CDH13: variants seen among roughly 807,000 people sequenced by gnomAD.
The protein encoded by CDH13 is cadherin 13.
Under a neutral mutation model 63.8 loss-of-function variants are expected in CDH13, and 24 were observed. The observed-to-expected ratio is 0.38, with a 90% CI of 0.27 to 0.53. CDH13 has a LOEUF of 0.53. Ranked by LOEUF, CDH13 falls within the 20% of genes least tolerant of loss-of-function variation. The pLI, the probability that CDH13 is intolerant of heterozygous loss-of-function variation, is 0.85. For missense variants in CDH13, 1,049 were observed against 903.1 expected (o/e 1.16, Z -2.07); for synonymous variants, 503 against 355.3 (o/e 1.42, Z -4.67).
chr16:82,986,232 A>G (rs192175912), intron 2 of CDH13, among the ~76,000 whole-genome samples: 1 of 152,144 alleles, frequency 6.6e-6, no homozygotes, highest in Non-Finnish European at 1.5e-5. Flanking sequence ...GTGAATTTTC[A>G]TATTGGTACG....
At chr16:82,627,522 A>C (rs1597155107) in intron 1 of CDH13, among the ~76,000 whole-genome samples, 1 of 151,010 alleles carries the variant, frequency 6.6e-6, no homozygotes, top group Non-Finnish European at 1.5e-5. Context: ...GTTAGAGGCG[A>C]CTCCAACGAG....
chr16:82,732,813 TTCA>T (rs1176586251), intron 1 of CDH13, among the ~76,000 whole-genome samples: 1 of 151,976 alleles, frequency 6.6e-6, no homozygotes, highest in Non-Finnish European at 1.5e-5. Context: ...GATTTCTGGT[TTCA>T]TCAAGAGTTT....
chr16:83,142,829 G>A (rs886551953), intron 4 of CDH13, among the ~76,000 whole-genome samples: 3 of 152,142 alleles, frequency 2.0e-5, no homozygotes, highest in African/African-American at 4.8e-5. Flanking sequence ...GGGGCCGGGC[G>A]CAGTGGCTTA....
intron 2 of CDH13, among the ~76,000 whole-genome samples, chr16:82,915,495 G>C (rs117234498): frequency 1.3e-5 from 2 of 152,110 alleles, no homozygotes; most frequent in African/African-American, 4.8e-5. Flanking sequence ...GATATACAGG[G>C]ATCGTTTTAG....
chr16:82,695,943 C>A (rs924264556), intron 1 of CDH13, among the ~76,000 whole-genome samples: 1 of 151,818 alleles, frequency 6.6e-6, no homozygotes, highest in Non-Finnish European at 1.5e-5. Flanking sequence ...TACTAGCCTG[C>A]CAAATGTATT....
At chr16:83,359,996 C>G (rs2091132020) in intron 6 of CDH13, among the ~76,000 whole-genome samples, 1 of 152,196 alleles carries the variant, frequency 6.6e-6, no homozygotes, top group Non-Finnish European at 1.5e-5. Flanking sequence ...ATAAATTTGC[C>G]TTGCTGGGCA....
chr16:83,146,534 C>G (rs2036758376), intron 4 of CDH13, among the ~76,000 whole-genome samples: 1 of 152,232 alleles, frequency 6.6e-6, no homozygotes, highest in African/African-American at 2.4e-5. Flanking sequence ...AGGTTTTAAG[C>G]TAACTATATC....
At chr16:82,880,648 C>T (rs971778835) in intron 2 of CDH13, among the ~76,000 whole-genome samples, 5 of 152,184 alleles carry the variant, frequency 3.3e-5, no homozygotes, top group East Asian at 1.9e-4. Flanking sequence ...GCCTGATTAG[C>T]AAGCCTGCTA....
chr16:83,465,030 A>G (rs2073274145), intron 6 of CDH13, among the ~76,000 whole-genome samples: 2 of 152,198 alleles, frequency 1.3e-5, no homozygotes, highest in Non-Finnish European at 2.9e-5. Flanking sequence ...ATACAGCCTG[A>G]GTAGTATTCA....
chr16:82,881,309 A>T (rs1020213604), intron 2 of CDH13, among the ~76,000 whole-genome samples: 2 of 152,178 alleles, frequency 1.3e-5, no homozygotes, highest in South Asian at 4.2e-4. Context: ...ATTGGTGTGT[A>T]GGAAGTTTAT....
At chr16:83,570,520 T>C (rs1208539686) in intron 7 of CDH13, among the ~76,000 whole-genome samples, 2 of 151,912 alleles carry the variant, frequency 1.3e-5, no homozygotes, top group Non-Finnish European at 2.9e-5. Flanking sequence ...ACCGTACTCA[T>C]GGTCTAGCGT....
chr16:83,266,883 C>G (rs974401461), intron 5 of CDH13, among the ~76,000 whole-genome samples: 9 of 152,160 alleles, frequency 5.9e-5, no homozygotes, highest in African/African-American at 1.9e-4. Flanking sequence ...ATGTCTTGTC[C>G]TAACTATCAA....
intron 11 of CDH13, among the ~76,000 whole-genome samples, chr16:83,767,571 G>A (rs761288506): frequency 2.8e-4 from 43 of 151,952 alleles, no homozygotes; most frequent in Non-Finnish European, 5.3e-4. Context: ...AACATTATTC[G>A]TAATAGACAA....
intron 1 of CDH13, among the ~76,000 whole-genome samples, chr16:82,857,429 G>A (rs1023032300): frequency 6.6e-6 from 1 of 152,180 alleles, no homozygotes; most frequent in Non-Finnish European, 1.5e-5. Flanking sequence ...TTGTTGGGGG[G>A]AGGTAATACC....
intron 1 of CDH13, among the ~76,000 whole-genome samples, chr16:82,657,936 G>A (rs1467842269): frequency 6.6e-6 from 1 of 152,094 alleles, no homozygotes; most frequent in Non-Finnish European, 1.5e-5. Context: ...CATTAGCTAG[G>A]ACTTCCAGGA....
At chr16:82,996,729 G>C (rs1472689596) in intron 2 of CDH13, among the ~76,000 whole-genome samples, 3 of 152,072 alleles carry the variant, frequency 2.0e-5, no homozygotes. Context: ...GATGATGATG[G>C]TAGTGATGAT....
intron 2 of CDH13, among the ~76,000 whole-genome samples, chr16:83,002,466 G>T (rs1025270662): frequency 1.3e-5 from 2 of 152,170 alleles, no homozygotes; most frequent in African/African-American, 4.8e-5. Flanking sequence ...AACTGCTAGA[G>T]AAAAATTTCT....
intron 3 of CDH13, among the ~76,000 whole-genome samples, chr16:83,039,045 G>A (rs934204175): frequency 3.3e-5 from 5 of 152,182 alleles, no homozygotes; most frequent in African/African-American, 1.2e-4. Flanking sequence ...CTAAACAGTG[G>A]TAGAATTTAG....
Position 82,958,070 on chromosome 16 carries a change from C to T in CDH13, c.158-73940C>T, listed in dbSNP as rs971516501. 9.2e-5 allele frequency among the ~76,000 whole-genome samples: 14 copies of T among 152,302 alleles called. No homozygotes were observed. The East Asian group carries it at 9.6e-4, about 10-fold the overall frequency. Reference sequence around the variant, plus strand: ...ACAGCTCTGTCTTTCTCTTAGTAAACTCACAGATTCCTAACTAAGTACTCA... The same window carrying T: ...ACAGCTCTGTCTTTCTCTTAGTAAATTCACAGATTCCTAACTAAGTACTCA... On this transcript the variant is annotated intron_variant, in intron 2 of 13. Coordinates refer to ENST00000567109, the MANE Select transcript of CDH13 (RefSeq NM_001257.5).
Sources: allele counts gnomAD v4.1 joint callset (sites outside exome capture counted in the v4.1 genomes callset), GRCh38; gene constraint gnomAD v4.1.1; transcripts MANE v1.5; gene names NCBI Gene and HGNC (gene_info 2026-07-23, HGNC 2026-07-21).